Variants in MIDEAS observed in about 807,000 individuals in gnomAD.
MIDEAS encodes mitotic deacetylase associated SANT domain protein, also known as mitotic deacetylase-associated SANT domain protein.
In MIDEAS, 26 loss-of-function variants were observed where a neutral mutation model predicts 102.7. The ratio of observed to expected loss-of-function variants is 0.25; its 90% CI spans 0.19 to 0.35. The LOEUF is 0.35. Among genes scored for constraint, MIDEAS ranks in the 10% least tolerant of loss-of-function variants. The pLI, the probability that MIDEAS is intolerant of heterozygous loss-of-function variation, is 1.00. For synonymous variants in MIDEAS, 585 were observed against 591.0 expected (o/e 0.99, Z 0.15); for missense variants, 1,231 against 1,435.6 (o/e 0.86, Z 2.30).
intron 3 of MIDEAS, among the ~76,000 whole-genome samples, chr14:73,733,203 C>T (rs1012628764): frequency 6.6e-6 from 1 of 152,226 alleles, no homozygotes; most frequent in Admixed American, 6.5e-5. Context: ...CTGATACTCA[C>T]TTTCATTCAG....
At chr14:73,727,432 T>C in intron 5 of MIDEAS, 26 bp downstream of exon 5, 3 of 1,613,412 alleles carry the variant, frequency 1.9e-6, no homozygotes, top group Non-Finnish European at 2.5e-6. Context: ...CCCACACCCC[T>C]CGGCCAGGGG....
chr14:73,764,368 A>C (rs1270622685), upstream of MIDEAS, among the ~76,000 whole-genome samples: 2 of 150,416 alleles, frequency 1.3e-5, no homozygotes, highest in African/African-American at 4.9e-5. Flanking sequence ...AAAAAACAAA[A>C]CAAAACAAAA....
intron 1 of MIDEAS, among the ~76,000 whole-genome samples, chr14:73,754,450 G>T (rs945847763): frequency 1.3e-5 from 2 of 152,214 alleles, no homozygotes; most frequent in African/African-American, 4.8e-5. Flanking sequence ...TATTCCTTTG[G>T]ATTCTTCCTG....
At chr14:73,729,563 G>A in intron 4 of MIDEAS, 77 bp downstream of exon 4, 1 of 1,204,148 alleles carries the variant, frequency 8.3e-7, no homozygotes, top group Non-Finnish European at 1.2e-6. Context: ...ATCCCCAGCA[G>A]CCCCACAGGC....
intron 7 of MIDEAS, 97 bp downstream of exon 7, chr14:73,726,507 A>G (rs1488633980): frequency 6.6e-6 from 8 of 1,205,196 alleles, no homozygotes; most frequent in African/African-American, 3.0e-5. Context: ...ACTGGCCTCA[A>G]ATGTGCATGC....
intron 1 of MIDEAS, among the ~76,000 whole-genome samples, chr14:73,769,851 C>T (rs1201332770): frequency 2.0e-5 from 3 of 150,838 alleles, no homozygotes; most frequent in African/African-American, 4.9e-5. Context: ...CTGCCCGCCT[C>T]GGCCTCCCAA....
At chr14:73,753,841 T>C (rs768294324) in intron 1 of MIDEAS, among the ~76,000 whole-genome samples, 5 of 150,810 alleles carry the variant, frequency 3.3e-5, no homozygotes, top group Non-Finnish European at 5.9e-5. Context: ...AACTCAGCTA[T>C]GCCAGCAGGG....
intron 1 of MIDEAS, among the ~76,000 whole-genome samples, chr14:73,749,815 GC>G (rs1459388250): frequency 1.3e-5 from 2 of 152,074 alleles, no homozygotes; most frequent in African/African-American, 2.4e-5. Context: ...GCTCAGAAAG[GC>G]CCCTCCCTCC....
chr14:73,727,266 C>G, intron 5 of MIDEAS, 192 bp downstream of exon 5: 1 of 665,868 alleles, frequency 1.5e-6, no homozygotes, highest in Non-Finnish European at 2.5e-6. Context: ...CGGTCCTTGC[C>G]CTTCCCTGCA....
rs772292373 is a variant in MIDEAS, at chr14:73,739,388, G to A, written c.621C>T (p.Pro207=). Residue 207 remains proline (P), a synonymous_variant, in exon 2 of 13, where the codon CCC becomes CCT. Transcript: ENST00000423556. The part of the protein sequence containing the change: ...PLNSFHAAKK[P]PNQSLPLQPF... Reference sequence around the variant, plus strand: ...GTTGCAGGGGCAGTGACTGGTTTGGGGGTTTCTTGGCTGCGTGGAAAGAAT... The same window carrying A: ...GTTGCAGGGGCAGTGACTGGTTTGGAGGTTTCTTGGCTGCGTGGAAAGAAT... 6.3e-7 allele frequency: 1 copy of A among 1,584,292 alleles called. No individual in the cohort carries two copies.
rs927424311 is a variant in MIDEAS, at chr14:73,759,680, C to T, written c.-248+83G>A. The T allele has an allele frequency of 6.6e-6, 1 of 150,960 alleles. No individual in the cohort carries two copies. The highest frequency in any genetic ancestry group is 1.5e-5 in the Non-Finnish European group (1 of 67,710). The allele number at this position is 150,960 out of a possible 1,614,324, so 9.4% of individuals were successfully genotyped here. On this transcript the variant is annotated intron_variant, in intron 1 of 12. Coordinates refer to ENST00000423556, the MANE Select transcript of MIDEAS (RefSeq NM_001367710.1). This position sits in a 1 kb window ranked among gnomAD's most constrained non-coding sequence, Gnocchi z 6.7. ...GAGCTGCAACCCGCCGTGCGAGCAG[C>T]CACAGCTCGCGCGCCGCCTGGGGTC...
chr14:73,747,511 C>T (rs1045665326), intron 1 of MIDEAS, among the ~76,000 whole-genome samples: 12 of 152,150 alleles, frequency 7.9e-5, no homozygotes. Flanking sequence ...GTAACTTGTC[C>T]CAGTTCACAG....
Position 73,783,442 on chromosome 14 carries a change from C to T in MIDEAS, c.-248+3660G>A, listed in dbSNP as rs77529061. Reference sequence around the variant, plus strand: ...ACAGAGTGGGTCACCGGGTCAGAGCCGAGGGTTAGGACGGGAGAGGAGCAA... The same window carrying T: ...ACAGAGTGGGTCACCGGGTCAGAGCTGAGGGTTAGGACGGGAGAGGAGCAA... On this transcript the variant is annotated intron_variant, in intron 1 of 11. Transcript: ENST00000394071. Among the ~76,000 whole-genome samples, 779 of 152,216 alleles carry T rather than the reference C, an allele frequency of 5.1e-3. 4 individuals carry two copies. Among genetic ancestry groups the T allele is most frequent in the Non-Finnish European group, 7.3e-3 (498 of 68,016 alleles).
chr14:73,733,001 A>T (rs1489665036), intron 3 of MIDEAS, among the ~76,000 whole-genome samples: 1 of 152,034 alleles, frequency 6.6e-6, no homozygotes, highest in Admixed American at 6.5e-5. Flanking sequence ...CTGAGGCAGG[A>T]GAATTGCTTG....
intron 1 of MIDEAS, among the ~76,000 whole-genome samples, chr14:73,754,036 G>C (rs2053453020): frequency 6.6e-6 from 1 of 152,202 alleles, no homozygotes; most frequent in African/African-American, 2.4e-5. Context: ...CAGTGTGGCA[G>C]AGACACAGGG....
At chr14:73,735,343 T>C (rs2053188249) in intron 3 of MIDEAS, among the ~76,000 whole-genome samples, 1 of 152,206 alleles carries the variant, frequency 6.6e-6, no homozygotes, top group Admixed American at 6.6e-5. Flanking sequence ...ATGCCATAAA[T>C]ATGTATTCTT....
intron 1 of MIDEAS, among the ~76,000 whole-genome samples, chr14:73,771,703 C>T (rs2053643847): frequency 6.6e-6 from 1 of 152,230 alleles, no homozygotes; most frequent in South Asian, 2.1e-4. Flanking sequence ...CACGGCAAGA[C>T]GTGGGGTCAG....
At chr14:73,770,856 A>C (rs1316923490) in intron 1 of MIDEAS, among the ~76,000 whole-genome samples, 2 of 152,164 alleles carry the variant, frequency 1.3e-5, no homozygotes, top group Non-Finnish European at 2.9e-5. Context: ...AAATTAGGGA[A>C]CTGAGAGGAA....
intron 3 of MIDEAS, among the ~76,000 whole-genome samples, chr14:73,733,629 A>C (rs562931057): frequency 6.6e-6 from 1 of 152,296 alleles, no homozygotes; most frequent in Admixed American, 6.5e-5. Context: ...AACAAAAACA[A>C]GAACTTTGCA....
Sources: allele counts gnomAD v4.1 joint callset (sites outside exome capture counted in the v4.1 genomes callset), GRCh38; gene constraint gnomAD v4.1.1; non-coding constraint Gnocchi (gnomAD v3.1); transcripts MANE v1.5; gene names NCBI Gene and HGNC (gene_info 2026-07-23, HGNC 2026-07-21).